The following ZNF451 variants were observed in gnomAD, a reference collection of about 807,000 sequenced individuals.
ZNF451 encodes the protein zinc finger protein 451, also known as E3 SUMO-protein ligase ZNF451.
ZNF451 carries 80 observed loss-of-function variants against 107.1 expected under a neutral mutation model. The observed-to-expected ratio is 0.75, with a 90% confidence interval of 0.62 to 0.90. The LOEUF is 0.90. Ranked by LOEUF, ZNF451 falls within the 40% of genes least tolerant of loss-of-function variation. ZNF451 has a pLI of 0.00. For missense variants in ZNF451, 1,107 were observed against 1,236.2 expected, an observed-to-expected ratio of 0.90 and a Z score of 1.57; for synonymous variants, 362 against 406.5, an observed-to-expected ratio of 0.89 and a Z score of 1.32.
rs1376458635 is a variant in ZNF451, at chr6:57,147,694, A to T, written c.1609A>T (p.Lys537Ter). ...CTTTCTTTTCTGGTGTCGGACATGC[A>T]AAAAGGAGTTAACAAGGAAAGATAC... ...NNFLFWCRTC[K>*]KELTRKDTIM... Residue 537 changes from lysine to a stop codon, truncating the protein, a stop_gained, in exon 10 of 15, where the codon AAA becomes TAA. Transcript: ENST00000370706. LOFTEE classifies it high-confidence loss of function. The T allele has an allele frequency of 1.2e-6, 2 of 1,614,100 alleles. No individual in the cohort carries two copies. The highest frequency in any genetic ancestry group is 1.7e-6 in the Non-Finnish European group (2 of 1,179,988).
At chr6:57,161,356 T>C (rs976751946) in intron 14 of ZNF451, among the ~76,000 whole-genome samples, 3 of 152,154 alleles carry the variant, frequency 2.0e-5, no homozygotes, top group Non-Finnish European at 4.4e-5. Context: ...GTCAGCCAAT[T>C]ATGGCCCTTG....
At position 57,152,357 on chromosome 6, in the gene ZNF451, T is replaced by A. The variant is rs772331698; in HGVS notation, c.2883+6T>A. 6.2e-7 allele frequency: 1 copy of A among 1,611,598 alleles called. No individual in the cohort carries two copies. Among genetic ancestry groups the A allele is most frequent in the South Asian group, 1.1e-5 (1 of 90,154 alleles). The stretch of plus-strand genomic sequence containing the variant: ...ATTTTGCCATATGTATGCATGTGAG[T>A]CATTGTTTTATTCAAAATCTAATGT... On this transcript the variant is annotated splice_donor_region_variant and intron_variant, in intron 12 of 14. Coordinates refer to ENST00000370706, the MANE Select transcript of ZNF451 (RefSeq NM_001031623.3).
intron 3 of ZNF451, among the ~76,000 whole-genome samples, chr6:57,121,754 T>G (rs1830648220): frequency 6.6e-6 from 1 of 152,130 alleles, no homozygotes; most frequent in Non-Finnish European, 1.5e-5. Context: ...GGAAAAACAT[T>G]CCATGCTCAT....
intron 7 of ZNF451, among the ~76,000 whole-genome samples, chr6:57,135,795 A>G (rs1174544417): frequency 6.6e-6 from 1 of 152,120 alleles, no homozygotes; most frequent in Non-Finnish European, 1.5e-5. Flanking sequence ...TTAACTAAAA[A>G]CCTTTGAGAA....
intron 14 of ZNF451, among the ~76,000 whole-genome samples, chr6:57,162,650 A>T (rs1763719066): frequency 6.6e-6 from 1 of 152,258 alleles, no homozygotes; most frequent in African/African-American, 2.4e-5. Flanking sequence ...AGTACTGAAC[A>T]TCTAAAGAGT....
intron 14 of ZNF451, among the ~76,000 whole-genome samples, chr6:57,166,718 A>G (rs1429192452): frequency 1.3e-5 from 2 of 152,242 alleles, no homozygotes; most frequent in South Asian, 2.1e-4. Context: ...TGTACTGTAC[A>G]TAATTGTATG....
At chr6:57,131,832 A>C (rs1489564247) in intron 5 of ZNF451, among the ~76,000 whole-genome samples, 1 of 152,216 alleles carries the variant, frequency 6.6e-6, no homozygotes, top group Non-Finnish European at 1.5e-5. Flanking sequence ...AGAGATAGTA[A>C]TAAAACAGAG....
intron 3 of ZNF451, among the ~76,000 whole-genome samples, chr6:57,100,149 TGGG>T (rs1335982005): frequency 3.9e-5 from 6 of 152,154 alleles, no homozygotes; most frequent in Non-Finnish European, 5.9e-5. Context: ...ATGACTCTAA[TGGG>T]GGAGTTTTAG....
chr6:57,093,185 A>T (rs1829132216), intron 2 of ZNF451: 1 of 152,214 alleles, frequency 6.6e-6, no homozygotes, highest in Non-Finnish European at 1.5e-5. Flanking sequence ...GATAGTTCAC[A>T]GTGCTGTTCT....
chr6:57,148,085 A>G lies in ZNF451; in HGVS notation c.2000A>G (p.Tyr667Cys), dbSNP rs1425815764. ...CATGACAATGAGATAAAGATTAAATACTTCTGTGGGCTTTGTGATCTTATC... is the reference window on the plus strand; with the variant it reads ...CATGACAATGAGATAAAGATTAAATGCTTCTGTGGGCTTTGTGATCTTATC... ...DEHDNEIKIK[Y>C]FCGLCDLIFN... The change falls in exon 10 of 15, where the codon TAC (tyrosine) becomes TGC (cysteine). Residue 667 changes from tyrosine to cysteine, a missense_variant. By Grantham distance (194) the Tyr-to-Cys change is radical. This residue lies in a region of ZNF451 where 608 missense variants were observed against 649.2 expected (regional missense o/e 0.94). Transcript: ENST00000370706. 1 of 1,614,066 alleles carries G rather than the reference A, an allele frequency of 6.2e-7. No individual in the cohort carries two copies.
intron 13 of ZNF451, chr6:57,154,277 G>A (rs1332189519): frequency 1.3e-5 from 8 of 597,472 alleles, no homozygotes; most frequent in Non-Finnish European, 2.1e-5. Flanking sequence ...TGATCTAGTA[G>A]ATAAAATCTA....
intron 10 of ZNF451, among the ~76,000 whole-genome samples, chr6:57,149,417 T>C (rs995520879): frequency 2.6e-5 from 4 of 152,188 alleles, no homozygotes; most frequent in African/African-American, 7.2e-5. Context: ...CTTTTATTTG[T>C]AAAATTTTTT....
chr6:57,135,009 T>G (rs1831364306), intron 7 of ZNF451, 139 bp downstream of exon 7: 2 of 717,538 alleles, frequency 2.8e-6, no homozygotes, highest in Non-Finnish European at 4.4e-6. Context: ...CAATTGAAAA[T>G]AAAATGATTT....
chr6:57,147,234 T>C lies in ZNF451; in HGVS notation c.1149T>C (p.Asn383=). The change falls in exon 10 of 15, where the codon AAT becomes AAC. Residue 383 remains asparagine (N), a synonymous_variant. Transcript: ENST00000370706. ...DETSTQNHKQ[N]SGHKVRVINS... is the part of the protein sequence containing the mutation. The stretch of plus-strand genomic sequence containing the variant: ...CCAGCACCCAAAATCATAAGCAGAA[T>C]TCAGGACACAAAGTCCGAGTCATTA... 1 of 1,614,096 alleles carries C rather than the reference T, an allele frequency of 6.2e-7. No individual in the cohort carries two copies. Among genetic ancestry groups the C allele is most frequent in the Non-Finnish European group, 8.5e-7 (1 of 1,179,978 alleles).
chr6:57,091,713 T>C (rs1168037261), intron 2 of ZNF451, among the ~76,000 whole-genome samples: 2 of 152,220 alleles, frequency 1.3e-5, no homozygotes, highest in African/African-American at 4.8e-5. Flanking sequence ...AAAACGGTTC[T>C]GTCCCCAACT....
intron 2 of ZNF451, 118 bp from the exon 3 acceptor site, chr6:57,098,943 A>G (rs1164257403): frequency 6.3e-6 from 4 of 633,826 alleles, no homozygotes; most frequent in Non-Finnish European, 2.8e-6. Context: ...GCTACCCACA[A>G]AGCTCCCTCT....
intron 13 of ZNF451, among the ~76,000 whole-genome samples, chr6:57,156,578 A>G (rs1244979055): frequency 6.6e-6 from 1 of 152,106 alleles, no homozygotes; most frequent in Non-Finnish European, 1.5e-5. Context: ...GGGTCACTGG[A>G]CCTTTTTGAG....
chr6:57,150,872 A>G lies in ZNF451; in HGVS notation c.2752+10A>G. On this transcript the variant is annotated intron_variant, in intron 11 of 14. Transcript: ENST00000370706. ...ATTTGGGGCTTTCAAGGTACGGTTAATAAGAAAAACAAAAGAAAACTTTTT... is the reference window on the plus strand; with the variant it reads ...ATTTGGGGCTTTCAAGGTACGGTTAGTAAGAAAAACAAAAGAAAACTTTTT... 1 of 1,612,968 alleles carries G rather than the reference A, an allele frequency of 6.2e-7. No homozygotes were observed. Among genetic ancestry groups the G allele is most frequent in the Non-Finnish European group, 8.5e-7 (1 of 1,179,730 alleles).
chr6:57,103,428 A>G (rs1285030385), intron 3 of ZNF451: 21 of 985,278 alleles, frequency 2.1e-5, no homozygotes, highest in Middle Eastern at 5.2e-4. Flanking sequence ...TTTGCTCCCA[A>G]TTGGTCCCAT....
Sources: gnomAD v4.1 joint callset for allele counts (sites outside exome capture counted in the v4.1 genomes callset) on GRCh38, gnomAD v4.1.1 for gene constraint, gnomAD v4.1.1 regional missense constraint, MANE v1.5 for transcripts, NCBI Gene and HGNC (gene_info 2026-07-23, HGNC 2026-07-21) for gene names.